GABRB1: variants seen among roughly 807,000 people sequenced by gnomAD.
GABRB1 encodes the protein gamma-aminobutyric acid type A receptor subunit beta1, also known as gamma-aminobutyric acid receptor subunit beta-1.
In GABRB1, 17 loss-of-function variants were observed where a neutral mutation model predicts 51.6. That is an observed-to-expected ratio of 0.33 (90% CI 0.23 to 0.49). GABRB1 has a LOEUF of 0.49. Ranked by LOEUF, GABRB1 falls within the 20% of genes least tolerant of loss-of-function variation. The pLI is 0.99. For synonymous variants in GABRB1, 247 were observed against 218.9 expected (o/e 1.13, Z -1.14); for missense variants, 410 against 600.6 (o/e 0.68, Z 3.32).
At chr4:47,092,161 CTTTCTTT>C (rs1374373705) in intron 3 of GABRB1, among the ~76,000 whole-genome samples, 2 of 68,228 alleles carry the variant, frequency 2.9e-5, no homozygotes, top group African/African-American at 6.3e-5. Flanking sequence ...TTCTTTCTTT[CTTTCTTT>C]TTTTTTTTTT....
At chr4:47,293,338 C>T (rs1035476812) in intron 4 of GABRB1, among the ~76,000 whole-genome samples, 7 of 152,040 alleles carry the variant, frequency 4.6e-5, no homozygotes, top group Admixed American at 6.5e-5. Context: ...TGGGGTTTCT[C>T]CATGTTGTCA....
chr4:47,164,353 G>C (rs1181985250), intron 4 of GABRB1, among the ~76,000 whole-genome samples: 2 of 152,112 alleles, frequency 1.3e-5, no homozygotes, highest in East Asian at 3.9e-4. Flanking sequence ...ATTTTTCCTA[G>C]GTAAGAGTCT....
intron 4 of GABRB1, among the ~76,000 whole-genome samples, chr4:47,174,250 T>G (rs1192858999): frequency 6.6e-6 from 1 of 152,082 alleles, no homozygotes; most frequent in Non-Finnish European, 1.5e-5. Context: ...TTATTTTTTG[T>G]TGATATGTGT....
At chr4:47,394,301 A>T (rs1728106803) in intron 5 of GABRB1, among the ~76,000 whole-genome samples, 1 of 152,238 alleles carries the variant, frequency 6.6e-6, no homozygotes, top group Non-Finnish European at 1.5e-5. Flanking sequence ...AAAGGTTCCT[A>T]TTCAGGCTTT....
intron 4 of GABRB1, among the ~76,000 whole-genome samples, chr4:47,195,409 TA>T (rs1399917820): frequency 8.7e-5 from 6 of 68,892 alleles, no homozygotes; most frequent in Non-Finnish European, 1.2e-4. Context: ...GATAGATAGA[TA>T]GATAGATAGA....
intron 5 of GABRB1, among the ~76,000 whole-genome samples, chr4:47,376,227 A>T (rs1375483469): frequency 6.6e-6 from 1 of 152,198 alleles, no homozygotes; most frequent in East Asian, 1.9e-4. Context: ...GAACCCAGAA[A>T]TTTTATTTCA....
intron 4 of GABRB1, among the ~76,000 whole-genome samples, chr4:47,177,965 C>T (rs570230231): frequency 6.6e-6 from 1 of 151,846 alleles, no homozygotes. Context: ...GAGTGTGAGG[C>T]TGATTAAATG....
At chr4:47,019,942 GTA>G (rs1460273713) in intron 1 of GABRB1, among the ~76,000 whole-genome samples, 6 of 150,532 alleles carry the variant, frequency 4.0e-5, no homozygotes, top group African/African-American at 1.5e-4. Flanking sequence ...ATACGTATAT[GTA>G]TATGTATATG....
At chr4:47,259,021 T>C (rs1488456782) in intron 4 of GABRB1, among the ~76,000 whole-genome samples, 1 of 152,158 alleles carries the variant, frequency 6.6e-6, no homozygotes, top group Non-Finnish European at 1.5e-5. Flanking sequence ...TGTCCATCCA[T>C]ATGCAGTTGT....
intron 3 of GABRB1, among the ~76,000 whole-genome samples, chr4:47,095,414 T>C (rs1714364122): frequency 6.6e-6 from 1 of 152,158 alleles, no homozygotes; most frequent in Non-Finnish European, 1.5e-5. Flanking sequence ...GGAAAAGTAC[T>C]GTCCCTGGCA....
At chr4:47,362,565 CT>C (rs910017510) in intron 5 of GABRB1, among the ~76,000 whole-genome samples, 4 of 152,038 alleles carry the variant, frequency 2.6e-5, no homozygotes, top group Non-Finnish European at 4.4e-5. Flanking sequence ...TAGGAGACTT[CT>C]TTTTTCTTTC....
At position 47,411,958 on chromosome 4, in the gene GABRB1, G is replaced by A. The variant is rs185262497; in HGVS notation, c.1080+5032G>A. On this transcript the variant is annotated intron_variant, in intron 8 of 8. Coordinates refer to ENST00000295454, the MANE Select transcript of GABRB1 (RefSeq NM_000812.4). ...TATACAACAGAAAAAAATGATTAGC[G>A]AAATTGAAGGTCATATTGGGCTTCT... Among the ~76,000 whole-genome samples, 437 of 152,208 alleles carry A rather than the reference G, an allele frequency of 2.9e-3. 2 individuals carry two copies. Among genetic ancestry groups the A allele is most frequent in the Middle Eastern group, 6.8e-3 (2 of 294 alleles).
intron 3 of GABRB1, among the ~76,000 whole-genome samples, chr4:47,040,565 C>G (rs1286765748): frequency 6.6e-6 from 1 of 152,074 alleles, no homozygotes; most frequent in African/African-American, 2.4e-5. Flanking sequence ...ACCACACCAT[C>G]TCTTTCACTG....
rs147880284 is a variant in GABRB1, at chr4:47,063,183, C to T, written c.240+30699C>T. Among the ~76,000 whole-genome samples the T allele has an allele frequency of 7.1e-3, 1,079 of 152,266 alleles. 7 individuals are homozygous for T. Among genetic ancestry groups the T allele is most frequent in the Non-Finnish European group, 0.011 (753 of 68,024 alleles). ...CACTTGGCTGGAATGAGATTAACCA[C>T]GACCGATGCAGGCCTTGAACGTGCC... On this transcript the variant is annotated intron_variant, in intron 3 of 8. Coordinates refer to ENST00000295454, the MANE Select transcript of GABRB1 (RefSeq NM_000812.4).
intron 3 of GABRB1, among the ~76,000 whole-genome samples, chr4:47,143,939 A>G (rs1424956361): frequency 6.6e-6 from 1 of 151,944 alleles, no homozygotes; most frequent in Non-Finnish European, 1.5e-5. Context: ...CTCAGCACCT[A>G]AAACTATCTC....
At chr4:47,213,333 T>C (rs1720436017) in intron 4 of GABRB1, among the ~76,000 whole-genome samples, 1 of 152,228 alleles carries the variant, frequency 6.6e-6, no homozygotes, top group Non-Finnish European at 1.5e-5. Flanking sequence ...TTTATGTGTC[T>C]GTGTACTGTA....
At chr4:47,361,215 AC>A (rs965389744) in intron 5 of GABRB1, among the ~76,000 whole-genome samples, 25 of 152,148 alleles carry the variant, frequency 1.6e-4, no homozygotes, top group African/African-American at 5.8e-4. Flanking sequence ...GGTCAAGGAA[AC>A]CGCAATGATG....
chr4:47,028,137 A>G (rs1725160883), upstream of GABRB1, among the ~76,000 whole-genome samples: 1 of 151,722 alleles, frequency 6.6e-6, no homozygotes, highest in African/African-American at 2.4e-5. Flanking sequence ...ACTTTACAAT[A>G]TATTTATTGG....
intron 4 of GABRB1, among the ~76,000 whole-genome samples, chr4:47,212,026 G>C (rs920325128): frequency 6.6e-6 from 1 of 152,110 alleles, no homozygotes; most frequent in African/African-American, 2.4e-5. Context: ...CTGAGGATTA[G>C]GACAAGGATA....
Sources: gnomAD v4.1 joint callset for allele counts (sites outside exome capture counted in the v4.1 genomes callset) on GRCh38, gnomAD v4.1.1 for gene constraint, MANE v1.5 for transcripts, NCBI Gene and HGNC (gene_info 2026-07-23, HGNC 2026-07-21) for gene names.